TFDP2: variants seen among roughly 807,000 people sequenced by gnomAD.
TFDP2 encodes transcription factor Dp-2 (E2F dimerization partner 2).
TFDP2 carries 17 observed loss-of-function variants against 59.3 expected under a neutral mutation model. That is an observed-to-expected ratio of 0.29 (90% confidence interval 0.20 to 0.43). The LOEUF is 0.43. Ranked by LOEUF, TFDP2 falls within the 20% of genes least tolerant of loss-of-function variation. The pLI, the probability that TFDP2 is intolerant of heterozygous loss-of-function variation, is 1.00. For synonymous variants in TFDP2, 180 were observed against 194.7 expected, an observed-to-expected ratio of 0.92 and a Z score of 0.63; for missense variants, 391 against 528.8, an observed-to-expected ratio of 0.74 and a Z score of 2.56.
chr3:142,031,595 T>C (rs1291941933), intron 3 of TFDP2, among the ~76,000 whole-genome samples: 1 of 152,188 alleles, frequency 6.6e-6, no homozygotes, highest in Admixed American at 6.5e-5. Context: ...ATGCAGATTA[T>C]ATAGGTTGTG....
chr3:142,075,204 C>T (rs1366124807), intron 3 of TFDP2, among the ~76,000 whole-genome samples: 1 of 152,106 alleles, frequency 6.6e-6, no homozygotes, highest in Non-Finnish European at 1.5e-5. Flanking sequence ...AATGAATTAA[C>T]TGTAATCCAT....
chr3:142,116,239 A>C (rs556904076), intron 1 of TFDP2, among the ~76,000 whole-genome samples: 2 of 151,954 alleles, frequency 1.3e-5, no homozygotes, highest in Non-Finnish European at 2.9e-5. Context: ...AATTTTTAAA[A>C]TTTTTGGTAG....
chr3:141,953,630 AT>A (rs908891420), intron 11 of TFDP2, among the ~76,000 whole-genome samples: 7 of 151,766 alleles, frequency 4.6e-5, no homozygotes, highest in South Asian at 2.1e-4. Flanking sequence ...CTCTTATTTT[AT>A]TTTTTTTATT....
intron 9 of TFDP2, among the ~76,000 whole-genome samples, chr3:141,966,655 A>T (rs1938117147): frequency 6.6e-6 from 1 of 151,590 alleles, no homozygotes. Flanking sequence ...GAACAGCTTT[A>T]AGTGTGTTCA....
In TFDP2 at chr3:142,134,457, G is replaced by A. The variant is rs559812742; in HGVS notation, c.-93+14726C>T. On this transcript the variant is annotated intron_variant, in intron 1 of 12. Transcript: ENST00000489671. ...CTTAAGATAGATGTAAGCTAATTGCGCAAAATTAATCAAAATTGCCATTAG... is the reference window on the plus strand; with the variant it reads ...CTTAAGATAGATGTAAGCTAATTGCACAAAATTAATCAAAATTGCCATTAG... 9.1e-4 allele frequency among the ~76,000 whole-genome samples: 139 copies of A among 152,038 alleles called. 1 individual carries two copies. Among genetic ancestry groups the A allele is most frequent in the African/African-American group, 3.2e-3 (133 of 41,544 alleles).
At chr3:141,953,797 A>T (rs1267740627) in intron 11 of TFDP2, among the ~76,000 whole-genome samples, 2 of 100,728 alleles carry the variant, frequency 2.0e-5, no homozygotes, top group Non-Finnish European at 3.7e-5. Flanking sequence ...CCCACCCCAC[A>T]ACTAGCTCTT....
intron 9 of TFDP2, among the ~76,000 whole-genome samples, chr3:141,969,216 TA>T: frequency 9.4e-6 from 1 of 106,412 alleles, no homozygotes; most frequent in Non-Finnish European, 1.8e-5. Flanking sequence ...CATATATATA[TA>T]TCTCATATAT....
intron 9 of TFDP2, among the ~76,000 whole-genome samples, chr3:141,968,890 CACAT>C (rs1484949967): frequency 4.3e-5 from 3 of 69,616 alleles, no homozygotes; most frequent in African/African-American, 1.2e-4. Flanking sequence ...ATATATATAA[CACAT>C]ATATATCTCA....
intron 7 of TFDP2, among the ~76,000 whole-genome samples, chr3:141,977,885 T>C (rs866257048): frequency 1.4e-4 from 22 of 151,828 alleles, no homozygotes; most frequent in Non-Finnish European, 2.5e-4. Context: ...TAATTTTTTG[T>C]ATTTTTAGTA....
At chr3:142,044,297 G>A (rs139527225) in intron 3 of TFDP2, 239 of 194,956 alleles carry the variant, frequency 1.2e-3, no homozygotes, top group Admixed American at 6.2e-3. Context: ...GCAGTGGCGC[G>A]ATCTTGGCTC....
intron 1 of TFDP2, among the ~76,000 whole-genome samples, chr3:142,128,512 G>A (rs906834016): frequency 6.6e-6 from 1 of 152,238 alleles, no homozygotes. Context: ...TGGACAAAGA[G>A]TTTTTACTCA....
At chr3:142,000,232 C>T (rs1448001133) in intron 4 of TFDP2, 16 of 699,856 alleles carry the variant, frequency 2.3e-5, no homozygotes, top group Non-Finnish European at 3.9e-5. Context: ...ATTTACAAAC[C>T]ACAGAAATTT....
At chr3:141,989,047 C>T (rs1038833467) in intron 6 of TFDP2, 1 of 152,170 alleles carries the variant, frequency 6.6e-6, no homozygotes, top group Non-Finnish European at 1.5e-5. Context: ...TTCTCAGGAA[C>T]CTTCAGACCT....
intron 3 of TFDP2, among the ~76,000 whole-genome samples, chr3:142,070,976 T>C (rs1168494553): frequency 2.0e-5 from 3 of 152,236 alleles, no homozygotes; most frequent in Middle Eastern, 6.8e-3. Context: ...TGTATAAATA[T>C]AGCAGGAGTG....
intron 1 of TFDP2, among the ~76,000 whole-genome samples, chr3:142,138,318 C>A (rs1050794539): frequency 2.6e-5 from 4 of 152,130 alleles, no homozygotes; most frequent in Non-Finnish European, 4.4e-5. Context: ...TTCAAAAAAA[C>A]CAACTCCTGG....
intron 9 of TFDP2, among the ~76,000 whole-genome samples, chr3:141,969,615 A>T (rs924257287): frequency 1.3e-5 from 2 of 152,028 alleles, no homozygotes; most frequent in Non-Finnish European, 2.9e-5. Flanking sequence ...AGTCTCAAAA[A>T]ACAACAACAA....
intron 4 of TFDP2, among the ~76,000 whole-genome samples, chr3:142,002,824 T>C (rs1042407764): frequency 2.0e-5 from 3 of 152,184 alleles, no homozygotes; most frequent in African/African-American, 7.2e-5. Context: ...TATAACAAAA[T>C]ACCTTAGCAT....
At chr3:142,100,611 G>T (rs1413197620) in intron 2 of TFDP2, among the ~76,000 whole-genome samples, 1 of 152,136 alleles carries the variant, frequency 6.6e-6, no homozygotes, top group Non-Finnish European at 1.5e-5. Flanking sequence ...GACCTCAGGT[G>T]ATCTGCCCAC....
At chr3:141,961,691 A>C (rs1441624818) in intron 10 of TFDP2, among the ~76,000 whole-genome samples, 1 of 152,190 alleles carries the variant, frequency 6.6e-6, no homozygotes, top group Admixed American at 6.6e-5. Flanking sequence ...AACTTTTTGA[A>C]ACTGGCAAGG....
Sources: allele counts gnomAD v4.1 joint callset (sites outside exome capture counted in the v4.1 genomes callset), GRCh38; gene constraint gnomAD v4.1.1; transcripts MANE v1.5; gene names NCBI Gene and HGNC (gene_info 2026-07-23, HGNC 2026-07-21).